Variants in FIG4 observed in about 807,000 individuals in gnomAD.
FIG4 encodes FIG4 phosphoinositide 5-phosphatase.
In FIG4, 112 loss-of-function variants were observed where a neutral mutation model predicts 118.6. That is an observed-to-expected ratio of 0.94 (90% CI 0.81 to 1.11). FIG4 has a LOEUF of 1.11. Among genes scored for constraint, FIG4 ranks in the 50% least tolerant of loss-of-function variants. FIG4 has a pLI of 0.00. For missense variants in FIG4, 969 were observed against 1,111.7 expected (o/e 0.87, Z 1.83); for synonymous variants, 369 against 381.2 (o/e 0.97, Z 0.37).
intron 22 of FIG4, among the ~76,000 whole-genome samples, chr6:109,807,027 C>G (rs1169714182): frequency 6.6e-6 from 1 of 152,056 alleles, no homozygotes; most frequent in Admixed American, 6.6e-5. Flanking sequence ...GGTTTGGTTC[C>G]AAGTCTTTGC....
intron 3 of FIG4, 62 bp downstream of exon 3, chr6:109,716,630 A>G (rs1346718653): frequency 1.3e-6 from 2 of 1,589,988 alleles, no homozygotes; most frequent in African/African-American, 2.7e-5. Flanking sequence ...CTCTACATAG[A>G]CTACTTAAAG....
intron 1 of FIG4, among the ~76,000 whole-genome samples, chr6:109,703,141 C>A (rs896204390): frequency 1.8e-4 from 27 of 151,954 alleles, no homozygotes; most frequent in African/African-American, 6.5e-4. Context: ...TGTCCTATGC[C>A]ACCCTCAGGT....
chr6:109,795,632 C>T (rs1469329738), intron 21 of FIG4, among the ~76,000 whole-genome samples: 6 of 96,904 alleles, frequency 6.2e-5, no homozygotes, highest in Non-Finnish European at 9.5e-5. Flanking sequence ...GAGACAGTCT[C>T]TCTCTGTCAC....
rs182297156 is a variant in FIG4 at position 109,765,966 on chromosome 6, A to G, written c.1584-763A>G. On this transcript the variant is annotated intron_variant, in intron 14 of 22. Transcript: ENST00000230124. ...GAAGAAACACAGGTTTCAAAAGTAC[A>G]TATCTAAGAAAGAATATGGTTTCTT... Among the ~76,000 whole-genome samples the G allele has an allele frequency of 3.2e-3, 490 of 152,360 alleles. 2 individuals carry two copies. The highest frequency in any genetic ancestry group is 4.1e-3 in the Non-Finnish European group (276 of 68,036).
chr6:109,800,870 T>G (rs933036202), intron 22 of FIG4, among the ~76,000 whole-genome samples: 2 of 152,176 alleles, frequency 1.3e-5, no homozygotes, highest in Non-Finnish European at 2.9e-5. Context: ...GTTGTTAGCA[T>G]TTTTTCCCCT....
chr6:109,710,004 G>A (rs1775208309), intron 1 of FIG4, among the ~76,000 whole-genome samples: 1 of 152,168 alleles, frequency 6.6e-6, no homozygotes, highest in Non-Finnish European at 1.5e-5. Flanking sequence ...ATATTGAATA[G>A]GAGTGTTGAG....
chr6:109,744,199 A>G (rs891725094), intron 10 of FIG4, among the ~76,000 whole-genome samples: 2 of 152,116 alleles, frequency 1.3e-5, no homozygotes, highest in Admixed American at 1.3e-4. Context: ...TTATAGTAAT[A>G]GGATCAAAGG....
chr6:109,818,878 A>C (rs1390818825), intron 22 of FIG4, among the ~76,000 whole-genome samples: 1 of 152,204 alleles, frequency 6.6e-6, no homozygotes, highest in Non-Finnish European at 1.5e-5. Flanking sequence ...TCTGAACCTG[A>C]ATTGCAAGGG....
chr6:109,768,622 C>T lies in FIG4; in HGVS notation c.1750+1727C>T, dbSNP rs75113420. Among the ~76,000 whole-genome samples the T allele has an allele frequency of 1.4e-3, 219 of 152,300 alleles. 1 individual carries two copies. Among genetic ancestry groups the T allele is most frequent in the Middle Eastern group, 3.4e-3 (1 of 294 alleles). On this transcript the variant is annotated intron_variant, in intron 15 of 22. Coordinates refer to ENST00000230124, the MANE Select transcript of FIG4 (RefSeq NM_014845.6). ...CCCACGTGCTGGCAGAATTCAGTTC[C>T]TTGTGGCTGTAGGACTCATAGCAGC...
At chr6:109,798,218 T>C (rs1778338391) in intron 22 of FIG4, among the ~76,000 whole-genome samples, 1 of 152,180 alleles carries the variant, frequency 6.6e-6, no homozygotes, top group Non-Finnish European at 1.5e-5. Flanking sequence ...GAGAATGGGA[T>C]GGATCTGGAA....
chr6:109,786,352 TATG>T lies in FIG4; in HGVS notation c.2001_2003del (p.Tyr667_Glu668delinsTer), dbSNP rs1337421317. 2 of 1,613,454 alleles carry T rather than the reference TATG, an allele frequency of 1.2e-6. No homozygotes were observed. Among genetic ancestry groups the T allele is most frequent in the African/African-American group, 1.3e-5 (1 of 74,912 alleles). On this transcript the variant is annotated stop_gained and inframe_deletion, in exon 18 of 23. Coordinates refer to ENST00000230124, the MANE Select transcript of FIG4 (RefSeq NM_014845.6). LOFTEE classifies it high-confidence loss of function. The stretch of plus-strand genomic sequence containing the variant: ...GTTGATAGTGAAGAAATTCCACAAA[TATG>T]AAGAAGAGATTGATATCCACAATGA...
At chr6:109,810,010 A>AGACACAGTG (rs1219357016) in intron 22 of FIG4, among the ~76,000 whole-genome samples, 1 of 152,116 alleles carries the variant, frequency 6.6e-6, no homozygotes, top group Non-Finnish European at 1.5e-5. Context: ...TGCCACAGTC[A>AGACACAGTG]GACACAGTAG....
chr6:109,819,507 T>C (rs1190477235), intron 22 of FIG4, among the ~76,000 whole-genome samples: 1 of 152,222 alleles, frequency 6.6e-6, no homozygotes, highest in Non-Finnish European at 1.5e-5. Context: ...CTTACTCTGT[T>C]GTCCAGACTG....
chr6:109,744,017 T>C (rs1776407285), intron 10 of FIG4, among the ~76,000 whole-genome samples: 1 of 152,066 alleles, frequency 6.6e-6, no homozygotes, highest in Non-Finnish European at 1.5e-5. Context: ...AGTGATTCAG[T>C]ATATCAGGAA....
At position 109,716,564 on chromosome 6, in the gene FIG4, T is replaced by A. The variant is rs1775437411; in HGVS notation, c.285T>A (p.Val95=). The A allele has an allele frequency of 3.1e-6, 5 of 1,613,734 alleles. No individual in the cohort carries two copies. The highest frequency in any genetic ancestry group is 4.2e-6 in the Non-Finnish European group (5 of 1,179,772). ...GLFRAVSAFG[V]VGFVRFLEGY... is the part of the protein sequence containing the mutation. ...TTCGAGCGGTTTCAGCTTTTGGTGT[T>A]GTGGGTAAGAAATCTGCCCCCCTTC... Residue 95 remains valine, a synonymous_variant, in exon 3 of 23, where the codon GTT becomes GTA. Coordinates refer to ENST00000230124, the MANE Select transcript of FIG4 (RefSeq NM_014845.6).
At chr6:109,796,725 C>T in intron 21 of FIG4, 40 bp from the exon 22 acceptor site, 1 of 1,143,080 alleles carries the variant, frequency 8.7e-7, no homozygotes, top group Non-Finnish European at 1.3e-6. Context: ...ATTGCAAGTA[C>T]TCCCTTCTTT....
At chr6:109,716,610 T>C in intron 3 of FIG4, 42 bp downstream of exon 3, 1 of 1,611,062 alleles carries the variant, frequency 6.2e-7, no homozygotes, top group East Asian at 2.2e-5. Context: ...TTGTTTTTTG[T>C]TTTTGTCTTC....
chr6:109,807,074 G>A (rs554729453), intron 22 of FIG4, among the ~76,000 whole-genome samples: 1 of 152,274 alleles, frequency 6.6e-6, no homozygotes, highest in East Asian at 1.9e-4. Context: ...AAACATATGT[G>A]TGCATGTGTC....
chr6:109,707,959 T>C (rs187155597), intron 1 of FIG4, among the ~76,000 whole-genome samples: 4 of 152,028 alleles, frequency 2.6e-5, no homozygotes, highest in Non-Finnish European at 2.9e-5. Flanking sequence ...TATATTTTTC[T>C]ACATTTTGAT....
Sources: gnomAD v4.1 joint callset for allele counts (sites outside exome capture counted in the v4.1 genomes callset) on GRCh38, gnomAD v4.1.1 for gene constraint, MANE v1.5 for transcripts, NCBI Gene and HGNC (gene_info 2026-07-23, HGNC 2026-07-21) for gene names.